The following SNAP23 variants were observed in gnomAD, a reference collection of about 807,000 sequenced individuals.
SNAP23 encodes synaptosomal-associated protein 23.
In SNAP23, 11 loss-of-function variants were observed where a neutral mutation model predicts 29.0. The ratio of observed to expected loss-of-function variants is 0.38; its 90% CI spans 0.24 to 0.63. The LOEUF is 0.63. Among genes scored for constraint, SNAP23 ranks in the 20% least tolerant of loss-of-function variants. SNAP23 has a pLI of 0.58. For synonymous variants in SNAP23, 60 were observed against 82.9 expected (o/e 0.72, Z 1.50); for missense variants, 220 against 253.9 (o/e 0.87, Z 0.91).
upstream of SNAP23, among the ~76,000 whole-genome samples, chr15:42,492,470 G>C (rs566169323): frequency 1.3e-5 from 2 of 152,002 alleles, no homozygotes; most frequent in South Asian, 4.2e-4. Context: ...ATGAGGTCCA[G>C]AGATCGAGAC....
chr15:42,517,286 G>A (rs1449745791), intron 5 of SNAP23, among the ~76,000 whole-genome samples: 1 of 152,166 alleles, frequency 6.6e-6, no homozygotes, highest in Non-Finnish European at 1.5e-5. Context: ...AAGCAAACAA[G>A]TTAAAATGTA....
In SNAP23 at chr15:42,529,528, GA is replaced by G. The variant is rs2057541034; in HGVS notation, c.426-145del. On this transcript the variant is annotated intron_variant, in intron 6 of 7. Transcript: ENST00000249647. ...GATGAGTCTCCCAGTTTTTATTATA[GA>G]ATGTTTCCCAGGAATGGTAACCTAT... 5.4e-6 allele frequency: 4 copies of G among 738,862 alleles called. No individual in the cohort carries two copies. In the Admixed American group the frequency reaches 1.2e-4, roughly 22 times the overall value. The allele number at this position is 738,862 out of a possible 1,614,324, so 45.8% of individuals were successfully genotyped here.
intron 5 of SNAP23, among the ~76,000 whole-genome samples, chr15:42,520,563 C>T (rs1018095801): frequency 7.9e-5 from 12 of 152,132 alleles, no homozygotes; most frequent in East Asian, 3.9e-4. Flanking sequence ...GGCACGATCT[C>T]GGCTCACTGC....
chr15:42,506,505 CAG>C (rs972692610), intron 1 of SNAP23, among the ~76,000 whole-genome samples: 3 of 152,178 alleles, frequency 2.0e-5, no homozygotes, highest in African/African-American at 7.2e-5. Flanking sequence ...TCAAAAGTGC[CAG>C]AGTTACAGGC....
chr15:42,511,750 A>T, intron 1 of SNAP23, 83 bp from the exon 2 acceptor site: 1 of 694,376 alleles, frequency 1.4e-6, no homozygotes, highest in Non-Finnish European at 2.3e-6. Flanking sequence ...TAAATTCCAT[A>T]AATCTACACT....
upstream of SNAP23, among the ~76,000 whole-genome samples, chr15:42,493,271 A>G (rs188031156): frequency 8.6e-4 from 131 of 152,118 alleles, 2 homozygotes; most frequent in East Asian, 0.023. Context: ...CTGCAAAGGT[A>G]GAGGTTGCAG....
At chr15:42,514,769 C>T (rs553515301) in intron 4 of SNAP23, among the ~76,000 whole-genome samples, 3 of 147,234 alleles carry the variant, frequency 2.0e-5, no homozygotes, top group East Asian at 4.1e-4. Flanking sequence ...GTGGTGCAAT[C>T]GCAGCTCACT....
chr15:42,513,702 T>C (rs559999358), intron 4 of SNAP23, among the ~76,000 whole-genome samples: 17 of 152,374 alleles, frequency 1.1e-4, no homozygotes, highest in Admixed American at 1.3e-4. Flanking sequence ...ATTGGTTATA[T>C]GTGCCTTAGA....
At chr15:42,497,646 C>T (rs1452427473) in intron 1 of SNAP23, among the ~76,000 whole-genome samples, 1 of 152,174 alleles carries the variant, frequency 6.6e-6, no homozygotes, top group Non-Finnish European at 1.5e-5. Flanking sequence ...CCCAGATTCC[C>T]TGGCCCCTTT....
chr15:42,508,123 G>A (rs989149940), intron 1 of SNAP23, among the ~76,000 whole-genome samples: 7 of 151,860 alleles, frequency 4.6e-5, no homozygotes, highest in East Asian at 1.9e-4. Flanking sequence ...AAAATTAGCC[G>A]GGCATGATGC....
rs138813563 is a variant in SNAP23, at chr15:42,528,419, C to T, written c.424C>T (p.Arg142Cys). Reference sequence around the variant, plus strand: ...AGCAGCCAGTGGTGGATACATTAAACGGTATGCCAACTCCTCCTGATATTC... The same window carrying T: ...AGCAGCCAGTGGTGGATACATTAAATGGTATGCCAACTCCTCCTGATATTC... ...TGAASGGYIKRITNDAREDEM... is the reference protein window; with the variant it reads ...TGAASGGYIKCITNDAREDEM... The change falls in exon 6 of 8, where the codon CGC (arginine) becomes TGC (cysteine). Residue 142 changes from arginine to cysteine, a missense_variant and splice_region_variant. By Grantham distance (180) the Arg-to-Cys change is radical. Coordinates refer to ENST00000249647, the MANE Select transcript of SNAP23 (RefSeq NM_003825.4). 2.1e-4 allele frequency: 336 copies of T among 1,614,038 alleles called. 3 individuals are homozygous for T. The Middle Eastern group carries it at 2.5e-3, about 12-fold the overall frequency.
chr15:42,520,320 A>G (rs2057434898), intron 5 of SNAP23, among the ~76,000 whole-genome samples: 1 of 152,040 alleles, frequency 6.6e-6, no homozygotes, highest in African/African-American at 2.4e-5. Flanking sequence ...AAGTGCTGGG[A>G]TTACAGGCGT....
intron 5 of SNAP23, among the ~76,000 whole-genome samples, chr15:42,524,709 T>A (rs1180153242): frequency 1.3e-5 from 2 of 152,224 alleles, no homozygotes; most frequent in African/African-American, 4.8e-5. Context: ...TGATACTCAG[T>A]CAAGTTTGGA....
intron 5 of SNAP23, among the ~76,000 whole-genome samples, chr15:42,523,780 A>G (rs1397109521): frequency 6.6e-6 from 1 of 151,974 alleles, no homozygotes; most frequent in Non-Finnish European, 1.5e-5. Flanking sequence ...TTTACTCCAA[A>G]TGCTGTTACT....
chr15:42,514,781 C>G (rs2057385302), intron 4 of SNAP23, among the ~76,000 whole-genome samples: 1 of 150,748 alleles, frequency 6.6e-6, no homozygotes, highest in South Asian at 2.1e-4. Context: ...CAGCTCACTG[C>G]AACCTCCAAC....
intron 1 of SNAP23, among the ~76,000 whole-genome samples, chr15:42,503,371 T>A (rs1229393054): frequency 1.5e-4 from 22 of 144,604 alleles, no homozygotes; most frequent in Admixed American, 6.9e-5. Flanking sequence ...CTGGCTAATT[T>A]TTTTTTTTTT....
intron 1 of SNAP23, among the ~76,000 whole-genome samples, chr15:42,504,859 A>G (rs2057304683): frequency 1.3e-5 from 2 of 152,206 alleles, no homozygotes; most frequent in South Asian, 4.1e-4. Context: ...CTGCGGATGC[A>G]TTGGTTACCA....
intron 1 of SNAP23, among the ~76,000 whole-genome samples, chr15:42,506,171 T>C (rs1822325366): frequency 6.6e-6 from 1 of 151,662 alleles, no homozygotes; most frequent in South Asian, 2.1e-4. Flanking sequence ...GGTCTTGAAC[T>C]CCTGAGCTTG....
intron 1 of SNAP23, among the ~76,000 whole-genome samples, chr15:42,506,157 G>A (rs1419412964): frequency 1.3e-5 from 2 of 150,494 alleles, no homozygotes; most frequent in African/African-American, 4.9e-5. Flanking sequence ...TTTTGGCAAT[G>A]GCTGGTCTTG....
Sources: allele counts gnomAD v4.1 joint callset (sites outside exome capture counted in the v4.1 genomes callset), GRCh38; gene constraint gnomAD v4.1.1; transcripts MANE v1.5; gene names NCBI Gene and HGNC (gene_info 2026-07-23, HGNC 2026-07-21).